The following FMNL2 variants were observed in gnomAD, a reference collection of about 807,000 sequenced individuals.
The protein encoded by FMNL2 is formin-like protein 2.
In FMNL2, 51 loss-of-function variants were observed where a neutral mutation model predicts 130.2. The observed-to-expected ratio is 0.39, with a 90% CI of 0.31 to 0.49. FMNL2 has a LOEUF of 0.49. FMNL2 is among the 20% of genes least tolerant of loss of function. The pLI is 0.85. For synonymous variants in FMNL2, 465 were observed against 467.1 expected (o/e 1.00, Z 0.06); for missense variants, 977 against 1,316.2 (o/e 0.74, Z 3.99).
At chr2:152,545,435 G>A (rs778174938) in intron 3 of FMNL2, among the ~76,000 whole-genome samples, 2 of 152,020 alleles carry the variant, frequency 1.3e-5, no homozygotes, top group African/African-American at 4.8e-5. Flanking sequence ...AAAATTTTAA[G>A]CATTTTCTAT....
chr2:152,422,984 A>G (rs772670305), intron 1 of FMNL2, among the ~76,000 whole-genome samples: 3 of 152,234 alleles, frequency 2.0e-5, no homozygotes, highest in Non-Finnish European at 2.9e-5. Context: ...TAGGTTCTCT[A>G]GCTGGCTATG....
At chr2:152,599,479 C>G (rs1292006868) in intron 9 of FMNL2, among the ~76,000 whole-genome samples, 1 of 116,316 alleles carries the variant, frequency 8.6e-6, no homozygotes, top group South Asian at 3.0e-4. Flanking sequence ...AGGGGTGATG[C>G]GTCAATGAGT....
chr2:152,547,328 C>T (rs548543157), intron 3 of FMNL2, among the ~76,000 whole-genome samples: 1 of 152,324 alleles, frequency 6.6e-6, no homozygotes, highest in South Asian at 2.1e-4. Context: ...GGGTGTCCTC[C>T]AAACTCTCAA....
At chr2:152,545,484 G>A (rs1242544644) in intron 3 of FMNL2, among the ~76,000 whole-genome samples, 1 of 151,870 alleles carries the variant, frequency 6.6e-6, no homozygotes, top group Non-Finnish European at 1.5e-5. Context: ...GAAACCTCTC[G>A]GGCAGAAAAG....
At chr2:152,589,079 C>T (rs1435984184) in intron 9 of FMNL2, among the ~76,000 whole-genome samples, 1 of 145,398 alleles carries the variant, frequency 6.9e-6, no homozygotes, top group African/African-American at 2.6e-5. Context: ...TTCAGGACTG[C>T]CCTTTTTTGG....
intron 1 of FMNL2, among the ~76,000 whole-genome samples, chr2:152,504,609 G>A (rs980876561): frequency 6.6e-6 from 1 of 152,120 alleles, no homozygotes; most frequent in African/African-American, 2.4e-5. Flanking sequence ...GTGTGTGTGT[G>A]TTTTAATATA....
intron 12 of FMNL2, among the ~76,000 whole-genome samples, chr2:152,615,244 A>G (rs1258214903): frequency 6.6e-6 from 1 of 152,068 alleles, no homozygotes; most frequent in Non-Finnish European, 1.5e-5. Flanking sequence ...GCTGAGGTGC[A>G]TTTCCTGGCA....
At chr2:152,593,902 T>TGTGTGTGTGTGA (rs1296082394) in intron 9 of FMNL2, among the ~76,000 whole-genome samples, 11 of 81,632 alleles carry the variant, frequency 1.3e-4, no homozygotes, top group South Asian at 4.7e-4. Flanking sequence ...TGTGTGTGTG[T>TGTGTGTGTGTGA]GAGAGAGAGA....
chr2:152,390,283 C>A, intron 1 of FMNL2: 1 of 1,368,348 alleles, frequency 7.3e-7, no homozygotes, highest in Non-Finnish European at 1.0e-6. Flanking sequence ...AAGGGGCAGC[C>A]AGCAATCATC....
chr2:152,415,568 G>T (rs16831066), intron 1 of FMNL2, among the ~76,000 whole-genome samples: 3 of 151,952 alleles, frequency 2.0e-5, no homozygotes, highest in Non-Finnish European at 4.4e-5. Context: ...GCATACCTCA[G>T]GTAGAGCTTG....
intron 1 of FMNL2, among the ~76,000 whole-genome samples, chr2:152,471,366 TC>T (rs1376836616): frequency 6.6e-6 from 1 of 152,208 alleles, no homozygotes; most frequent in African/African-American, 2.4e-5. Context: ...TTCATTTTGA[TC>T]CTCTGAGGAG....
chr2:152,501,238 T>C (rs1691815599), intron 1 of FMNL2, among the ~76,000 whole-genome samples: 1 of 152,240 alleles, frequency 6.6e-6, no homozygotes, highest in Non-Finnish European at 1.5e-5. Context: ...GGATTATCTC[T>C]TTATTTTGAT....
intron 1 of FMNL2, among the ~76,000 whole-genome samples, chr2:152,411,777 T>A (rs1328694537): frequency 6.6e-6 from 1 of 152,242 alleles, no homozygotes; most frequent in Non-Finnish European, 1.5e-5. Flanking sequence ...GATTCCCATG[T>A]GGCCAGACTT....
chr2:152,574,931 A>C (rs966288621), intron 6 of FMNL2, among the ~76,000 whole-genome samples: 3 of 152,174 alleles, frequency 2.0e-5, no homozygotes, highest in Non-Finnish European at 4.4e-5. Context: ...GTTAACAAGC[A>C]TACCCAAGAT....
At chr2:152,556,371 A>G (rs1695204425) in intron 4 of FMNL2, among the ~76,000 whole-genome samples, 1 of 152,204 alleles carries the variant, frequency 6.6e-6, no homozygotes, top group African/African-American at 2.4e-5. Context: ...AATCAGGGGT[A>G]AAACATGTCA....
chr2:152,361,035 G>A lies in FMNL2; in HGVS notation c.117+25315G>A, dbSNP rs377281480. ...TTTTGACTGCATAATAAACAGTGGG[G>A]AATAATTAAGACTCAAGAAGATACT... is the stretch of plus-strand genomic sequence containing the variant. On this transcript the variant is annotated intron_variant, in intron 1 of 25. Transcript: ENST00000288670. Among the ~76,000 whole-genome samples, 8 of 152,244 alleles carry A rather than the reference G, an allele frequency of 5.3e-5. No individual in the cohort carries two copies. In the East Asian group the frequency reaches 1.2e-3, roughly 22 times the overall value.
chr2:152,463,940 G>A (rs1689385217), intron 1 of FMNL2, among the ~76,000 whole-genome samples: 1 of 152,150 alleles, frequency 6.6e-6, no homozygotes, highest in Non-Finnish European at 1.5e-5. Context: ...GTGTGTGTAT[G>A]TGTGTGTTTT....
chr2:152,363,138 T>C (rs891403947), intron 1 of FMNL2, among the ~76,000 whole-genome samples: 1 of 152,212 alleles, frequency 6.6e-6, no homozygotes, highest in African/African-American at 2.4e-5. Flanking sequence ...TCTGTGAATA[T>C]ACTAAAAACT....
At chr2:152,408,580 GT>G (rs200055413) in intron 1 of FMNL2, among the ~76,000 whole-genome samples, 5 of 150,698 alleles carry the variant, frequency 3.3e-5, no homozygotes, top group Admixed American at 2.7e-4. Context: ...AGACTTACGG[GT>G]TTTTTTTTGC....
Sources: gnomAD v4.1 joint callset for allele counts (sites outside exome capture counted in the v4.1 genomes callset) on GRCh38, gnomAD v4.1.1 for gene constraint, MANE v1.5 for transcripts, NCBI Gene and HGNC (gene_info 2026-07-23, HGNC 2026-07-21) for gene names.